The following ALG5 variants were observed in gnomAD, a reference collection of about 807,000 sequenced individuals.
ALG5 encodes ALG5 dolichyl-phosphate beta-glucosyltransferase.
ALG5 carries 26 observed loss-of-function variants against 51.8 expected under a neutral mutation model. The observed-to-expected ratio is 0.50, with a 90% CI of 0.37 to 0.70. The LOEUF is 0.70. Ranked by LOEUF, ALG5 falls within the 30% of genes least tolerant of loss-of-function variation. The pLI, the probability that ALG5 is intolerant of heterozygous loss-of-function variation, is 0.00. For missense variants in ALG5, 311 were observed against 399.3 expected, an observed-to-expected ratio of 0.78 and a Z score of 1.88; for synonymous variants, 141 against 136.1, an observed-to-expected ratio of 1.04 and a Z score of -0.25.
chr13:36,991,855 G>A (rs553948523), intron 4 of ALG5, among the ~76,000 whole-genome samples: 31 of 152,252 alleles, frequency 2.0e-4, no homozygotes, highest in Non-Finnish European at 4.0e-4. Context: ...GAACTCTTGC[G>A]CTCAAGCAGT....
Position 36,972,979 on chromosome 13 carries a change from A to G in ALG5, c.562-943T>C, listed in dbSNP as rs550858730. 9.4e-4 allele frequency among the ~76,000 whole-genome samples: 120 copies of G among 127,874 alleles called. 1 individual carries two copies. The highest frequency in any genetic ancestry group is 1.8e-3 in the South Asian group (6 of 3,350). 83.9% of individuals were successfully genotyped at this position (127,874 alleles called of 152,430 possible). On this transcript the variant is annotated intron_variant, in intron 6 of 9. Coordinates refer to ENST00000239891, the MANE Select transcript of ALG5 (RefSeq NM_013338.5). ...TGTGCTCCAGCCTGGGAGACAGAGC[A>G]AGACTCCGTCTCAAAAAAAAAAAAA...
At chr13:36,975,982 A>C (rs73175057) in intron 6 of ALG5, among the ~76,000 whole-genome samples, 2,861 of 152,112 alleles carry the variant, frequency 0.019, 35 homozygotes, top group Non-Finnish European at 0.03. Flanking sequence ...TCAAAAAAAA[A>C]AAAACAAAAC....
chr13:36,975,221 A>G (rs575834219), intron 6 of ALG5, among the ~76,000 whole-genome samples: 1 of 152,174 alleles, frequency 6.6e-6, no homozygotes, highest in East Asian at 1.9e-4. Flanking sequence ...AAAAAAACAA[A>G]CCACCACCAC....
intron 6 of ALG5, among the ~76,000 whole-genome samples, chr13:36,980,974 AAAAAT>A (rs1001609856): frequency 3.3e-5 from 5 of 152,160 alleles, no homozygotes; most frequent in Admixed American, 1.3e-4. Flanking sequence ...ACCCTGTCTC[AAAAAT>A]AAAATAAAAT....
intron 6 of ALG5, among the ~76,000 whole-genome samples, chr13:36,972,991 CA>C (rs375217175): frequency 1.2e-3 from 136 of 108,832 alleles, no homozygotes; most frequent in African/African-American, 3.8e-3. Flanking sequence ...GACTCCGTCT[CA>C]AAAAAAAAAA....
chr13:36,951,847 C>T (rs1770106043), intron 9 of ALG5, among the ~76,000 whole-genome samples: 2 of 152,124 alleles, frequency 1.3e-5, no homozygotes, highest in South Asian at 4.2e-4. Flanking sequence ...TGCAATGGTG[C>T]AATCTTGGCT....
chr13:36,998,854 C>A, intron 1 of ALG5: 1 of 192,262 alleles, frequency 5.2e-6, no homozygotes, highest in Non-Finnish European at 1.1e-5. Context: ...CGAGACCTCC[C>A]TGGGTGGAGC....
At chr13:36,992,590 C>T (rs565813978) in intron 4 of ALG5, among the ~76,000 whole-genome samples, 3 of 152,298 alleles carry the variant, frequency 2.0e-5, no homozygotes, top group East Asian at 1.9e-4. Context: ...AGCTGTCACT[C>T]GGCCACCATT....
At chr13:36,993,733 A>G in intron 3 of ALG5, 61 bp from the exon 4 acceptor site, 1 of 1,349,284 alleles carries the variant, frequency 7.4e-7, no homozygotes, top group Non-Finnish European at 1.1e-6. Context: ...TATTCTAATC[A>G]AATCACCAGT....
chr13:36,992,631 C>T (rs539555317), intron 4 of ALG5, among the ~76,000 whole-genome samples: 17 of 152,226 alleles, frequency 1.1e-4, no homozygotes, highest in African/African-American at 3.9e-4. Flanking sequence ...AGTGCCTACT[C>T]GCCTTTTTGG....
chr13:36,976,393 TC>T (rs1361749352), intron 6 of ALG5, among the ~76,000 whole-genome samples: 1 of 120,676 alleles, frequency 8.3e-6, no homozygotes, highest in African/African-American at 3.3e-5. Flanking sequence ...GCCATTGCAC[TC>T]CATCTTCAGT....
At chr13:36,963,676 C>T (rs952451262) in intron 8 of ALG5, among the ~76,000 whole-genome samples, 8 of 151,852 alleles carry the variant, frequency 5.3e-5, no homozygotes, top group Non-Finnish European at 1.0e-4. Flanking sequence ...ATGTTTTAAT[C>T]TAGAAAAACA....
intron 7 of ALG5, chr13:36,967,925 T>G (rs554169876): frequency 1.6e-6 from 1 of 609,588 alleles, no homozygotes; most frequent in Non-Finnish European, 2.4e-6. Flanking sequence ...GTGAGCTTAT[T>G]TGTTCGCAAA....
At position 36,999,296 on chromosome 13, in the gene ALG5, G is replaced by T; in HGVS notation, c.5C>A (p.Ala2Asp). M[A>D]PLLLQLAVLG... is the part of the protein sequence containing the mutation. ...CACCGCCAGCTGCAACAGAAGCGGA[G>T]CCATTCTCCATGCCGTGGCAGCCCG... Residue 2 changes from alanine to aspartate, a missense_variant, in exon 1 of 10, where the codon GCT becomes GAT. By Grantham distance (126) the Ala-to-Asp change is moderately radical. Transcript: ENST00000239891. 6.4e-7 allele frequency: 1 copy of T among 1,574,746 alleles called. No homozygotes were observed. Among genetic ancestry groups the T allele is most frequent in the Non-Finnish European group, 8.6e-7 (1 of 1,163,472 alleles).
intron 5 of ALG5, among the ~76,000 whole-genome samples, chr13:36,987,303 A>G (rs2059006275): frequency 6.6e-6 from 1 of 152,102 alleles, no homozygotes; most frequent in Admixed American, 6.5e-5. Context: ...CTGTTACCCA[A>G]GGCCAGTGGT....
chr13:36,969,943 A>G lies in ALG5; in HGVS notation c.621+2034T>C, dbSNP rs117086644. Among the ~76,000 whole-genome samples the G allele has an allele frequency of 5.2e-3, 796 of 152,090 alleles. 1 individual carries two copies. The highest frequency in any genetic ancestry group is 9.4e-3 in the Non-Finnish European group (641 of 67,984). On this transcript the variant is annotated intron_variant, in intron 7 of 9. Coordinates refer to ENST00000239891, the MANE Select transcript of ALG5 (RefSeq NM_013338.5). ...ATGTTATTAAATAGTCTCCATTATC[A>G]TCAGCTTTACTGGCTGCACATTTCA...
In ALG5 at chr13:36,960,456, A is replaced by G. The variant is rs1555250135; in HGVS notation, c.773+5119T>C. On this transcript the variant is annotated intron_variant, in intron 8 of 9. Coordinates refer to ENST00000239891, the MANE Select transcript of ALG5 (RefSeq NM_013338.5). ...TAACTATTTAATATATAAAATTATA[A>G]CACTGATTAAAAATAAAAAGTATTC... Among the ~76,000 whole-genome samples the G allele has an allele frequency of 1.3e-5, 2 of 152,198 alleles. 1 individual carries two copies. The highest frequency in any genetic ancestry group is 2.9e-5 in the Non-Finnish European group (2 of 68,046).
chr13:36,972,512 A>G (rs906268120), intron 6 of ALG5, among the ~76,000 whole-genome samples: 1 of 39,570 alleles, frequency 2.5e-5, no homozygotes, highest in Non-Finnish European at 6.4e-5. Flanking sequence ...ATCACAAGAT[A>G]TAATCGAAGC....
intron 8 of ALG5, among the ~76,000 whole-genome samples, chr13:36,962,451 G>A (rs2058871980): frequency 6.6e-6 from 1 of 152,148 alleles, no homozygotes; most frequent in African/African-American, 2.4e-5. Flanking sequence ...AATGTGAGCA[G>A]TTAAAATTTT....
Sources: gnomAD v4.1 joint callset for allele counts (sites outside exome capture counted in the v4.1 genomes callset) on GRCh38, gnomAD v4.1.1 for gene constraint, MANE v1.5 for transcripts, NCBI Gene and HGNC (gene_info 2026-07-23, HGNC 2026-07-21) for gene names.